GUCY1B1: variants seen among roughly 807,000 people sequenced by gnomAD.
GUCY1B1 encodes guanylate cyclase soluble subunit beta-1.
In GUCY1B1, 43 loss-of-function variants were observed where a neutral mutation model predicts 71.0. That is an observed-to-expected ratio of 0.61 (90% confidence interval 0.47 to 0.78). The LOEUF is 0.78. Among genes scored for constraint, GUCY1B1 ranks in the 30% least tolerant of loss-of-function variants. GUCY1B1 has a pLI of 0.00. For missense variants in GUCY1B1, 535 were observed against 754.1 expected (o/e 0.71, Z 3.40); for synonymous variants, 266 against 259.7 (o/e 1.02, Z -0.23).
chr4:155,798,542 T>A (rs1157340217), intron 8 of GUCY1B1, among the ~76,000 whole-genome samples: 1 of 152,180 alleles, frequency 6.6e-6, no homozygotes, highest in Non-Finnish European at 1.5e-5. Context: ...GTAAAATCTT[T>A]GATTGTTTTA....
intron 4 of GUCY1B1, among the ~76,000 whole-genome samples, chr4:155,788,972 G>A (rs1388478820): frequency 6.6e-6 from 1 of 152,086 alleles, no homozygotes; most frequent in Non-Finnish European, 1.5e-5. Context: ...ACACCAATTA[G>A]TTTTGTATAT....
chr4:155,791,177 C>T (rs1297725466), intron 5 of GUCY1B1, among the ~76,000 whole-genome samples: 2 of 150,704 alleles, frequency 1.3e-5, no homozygotes, highest in African/African-American at 4.9e-5. Flanking sequence ...TGCAGTGGCG[C>T]GATCTCCGCT....
intron 8 of GUCY1B1, among the ~76,000 whole-genome samples, 188 bp from the exon 9 acceptor site, chr4:155,799,689 T>A (rs1198769179): frequency 6.6e-6 from 1 of 152,216 alleles, no homozygotes; most frequent in African/African-American, 2.4e-5. Context: ...CACTGCTTTT[T>A]GGTAGATGCT....
At chr4:155,794,415 C>A (rs1739396683) in intron 6 of GUCY1B1, among the ~76,000 whole-genome samples, 1 of 152,006 alleles carries the variant, frequency 6.6e-6, no homozygotes, top group Non-Finnish European at 1.5e-5. Context: ...AATAAATATT[C>A]ATTGGATATC....
intron 8 of GUCY1B1, among the ~76,000 whole-genome samples, chr4:155,798,145 A>G (rs1204963825): frequency 6.6e-6 from 1 of 152,214 alleles, no homozygotes; most frequent in Non-Finnish European, 1.5e-5. Flanking sequence ...CCAGTGAGAA[A>G]ATTGCAGATT....
chr4:155,778,006 T>C lies in GUCY1B1; in HGVS notation c.297+364T>C, dbSNP rs3796569. Among the ~76,000 whole-genome samples the C allele has an allele frequency of 2.0e-4, 30 of 152,288 alleles. No homozygotes were observed. In the East Asian group the frequency reaches 5.8e-3, roughly 29 times the overall value. On this transcript the variant is annotated intron_variant, in intron 4 of 13. Coordinates refer to ENST00000264424, the MANE Select transcript of GUCY1B1 (RefSeq NM_000857.5). ...AGACATTTAATATGGCCTTATTTTCTATTTACAAAACATTCCTAGTTTGTA... is the reference window on the plus strand; with the variant it reads ...AGACATTTAATATGGCCTTATTTTCCATTTACAAAACATTCCTAGTTTGTA...
chr4:155,800,066 G>A lies in GUCY1B1; in HGVS notation c.1167G>A (p.Lys389=), dbSNP rs1297936678. ...TLRALEDEKK[K]TDTLLYSVLP... ...GAGCCCTGGAAGATGAAAAGAAAAA[G>A]ACAGACACGTAAGAATGTAACGCTT... is the stretch of plus-strand genomic sequence containing the variant. The change falls in exon 9 of 14, where the codon AAG becomes AAA. Residue 389 remains lysine, a synonymous_variant. Transcript: ENST00000264424. The A allele has an allele frequency of 6.2e-7, 1 of 1,606,836 alleles. No homozygotes were observed. The highest frequency in any genetic ancestry group is 2.2e-5 in the East Asian group (1 of 44,810).
At chr4:155,761,506 C>G (rs1323210875) in intron 2 of GUCY1B1, among the ~76,000 whole-genome samples, 1 of 152,022 alleles carries the variant, frequency 6.6e-6, no homozygotes, top group African/African-American at 2.4e-5. Context: ...GTAATTTAAC[C>G]AGATTTAGAT....
intron 8 of GUCY1B1, among the ~76,000 whole-genome samples, chr4:155,797,583 C>G (rs536394076): frequency 6.6e-6 from 1 of 151,560 alleles, no homozygotes; most frequent in African/African-American, 2.4e-5. Context: ...ACTAAAAATA[C>G]AAAAATTAGC....
chr4:155,793,176 A>G (rs112878744), intron 5 of GUCY1B1, among the ~76,000 whole-genome samples: 28,941 of 152,096 alleles, frequency 0.19, 2,990 homozygotes, highest in South Asian at 0.34. Flanking sequence ...CCCCAGGTTC[A>G]AGCAATTCTA....
intron 8 of GUCY1B1, 112 bp from the exon 9 acceptor site, chr4:155,799,765 T>G: frequency 1.7e-6 from 1 of 596,084 alleles, no homozygotes. Flanking sequence ...GTCTTCAGCC[T>G]GATGTTTTGA....
chr4:155,801,178 G>A (rs1198789367), intron 9 of GUCY1B1, among the ~76,000 whole-genome samples: 2 of 152,178 alleles, frequency 1.3e-5, no homozygotes, highest in East Asian at 3.9e-4. Flanking sequence ...GAGTTAAACA[G>A]CGGCCTTGTC....
chr4:155,776,236 C>T (rs1263766800), intron 3 of GUCY1B1, among the ~76,000 whole-genome samples: 1 of 152,002 alleles, frequency 6.6e-6, no homozygotes, highest in African/African-American at 2.4e-5. Flanking sequence ...TTAAAACCTT[C>T]AGTAATTTTT....
At chr4:155,766,975 T>C (rs556819392) in intron 2 of GUCY1B1, among the ~76,000 whole-genome samples, 1 of 152,282 alleles carries the variant, frequency 6.6e-6, no homozygotes, top group South Asian at 2.1e-4. Flanking sequence ...CAGTTAATCC[T>C]CATCACCACC....
rs927121789 is a variant in GUCY1B1, at chr4:155,793,748, T to C, written c.496-108T>C. 3.1e-5 allele frequency: 19 copies of C among 615,938 alleles called. No individual in the cohort carries two copies. The Middle Eastern group carries it at 1.3e-3, about 42-fold the overall frequency. 38.2% of individuals were successfully genotyped at this position (615,938 alleles called of 1,614,324 possible). A position where few individuals can be genotyped will look rare whatever the true frequency, so the allele number is the denominator to read the frequency against. On this transcript the variant is annotated intron_variant, in intron 5 of 13. Transcript: ENST00000264424. ...TATTTGCATATATGTTTTGAATTTT[T>C]GTAATTAATCTTCTAAATGCAGTAT...
intron 1 of GUCY1B1, chr4:155,759,510 C>T (rs1163008824): frequency 3.9e-6 from 2 of 515,998 alleles, no homozygotes; most frequent in African/African-American, 4.1e-5. Context: ...CGCGCTGCCC[C>T]CGATGCCCAG....
At chr4:155,772,862 A>G (rs1421992550) in intron 2 of GUCY1B1, 4 of 695,772 alleles carry the variant, frequency 5.7e-6, no homozygotes, top group Non-Finnish European at 1.0e-5. Context: ...AAATGCAGGC[A>G]AATAAATTAT....
chr4:155,763,185 G>C (rs1003672325), intron 2 of GUCY1B1, among the ~76,000 whole-genome samples: 31 of 152,102 alleles, frequency 2.0e-4, no homozygotes, highest in Admixed American at 9.8e-4. Flanking sequence ...TTTTTTCTCT[G>C]CTTTCTTTCC....
At chr4:155,766,898 C>T (rs1419868356) in intron 2 of GUCY1B1, among the ~76,000 whole-genome samples, 2 of 152,118 alleles carry the variant, frequency 1.3e-5, no homozygotes, top group Non-Finnish European at 2.9e-5. Flanking sequence ...TGTAATATGT[C>T]ACGTATATTA....
Sources: allele counts gnomAD v4.1 joint callset (sites outside exome capture counted in the v4.1 genomes callset), GRCh38; gene constraint gnomAD v4.1.1; transcripts MANE v1.5; gene names NCBI Gene and HGNC (gene_info 2026-07-23, HGNC 2026-07-21).